The following FBLIM1 variants were observed in gnomAD, a reference collection of about 807,000 sequenced individuals.
FBLIM1 encodes the protein filamin-binding LIM protein 1.
FBLIM1 carries 29 observed loss-of-function variants against 37.4 expected under a neutral mutation model. That is an observed-to-expected ratio of 0.77 (90% confidence interval 0.58 to 1.06). The LOEUF is 1.06. FBLIM1 is among the 50% of genes least tolerant of loss of function. The pLI, the probability that FBLIM1 is intolerant of heterozygous loss-of-function variation, is 0.00. For synonymous variants in FBLIM1, 193 were observed against 199.0 expected, an observed-to-expected ratio of 0.97 and a Z score of 0.25; for missense variants, 449 against 505.6, an observed-to-expected ratio of 0.89 and a Z score of 1.07.
intron 1 of FBLIM1, among the ~76,000 whole-genome samples, chr1:15,762,246 T>C (rs560740274): frequency 1.5e-4 from 22 of 148,806 alleles, no homozygotes; most frequent in African/African-American, 5.0e-4. Context: ...CATGCCACCA[T>C]TTCTGGCTAA....
Position 15,784,698 on chromosome 1 carries a change from G to A in FBLIM1, c.*37G>A, listed in dbSNP as rs200724462. 1.3e-5 allele frequency: 20 copies of A among 1,578,732 alleles called. No individual in the cohort carries two copies. Among genetic ancestry groups the A allele is most frequent in the East Asian group, 6.7e-5 (3 of 44,580 alleles). On this transcript the variant is annotated 3_prime_UTR_variant, in exon 9 of 9. Coordinates refer to ENST00000375766, the MANE Select transcript of FBLIM1 (RefSeq NM_017556.4). Reference sequence around the variant, plus strand: ...GGGCAGTGAACAGACCACTAGCCCCGGCTGGGGCCCTTCCCTGACTTGGTT... The same window carrying A: ...GGGCAGTGAACAGACCACTAGCCCCAGCTGGGGCCCTTCCCTGACTTGGTT...
intron 4 of FBLIM1, 118 bp downstream of exon 4, chr1:15,767,681 C>T: frequency 2.0e-6 from 1 of 510,052 alleles, no homozygotes; most frequent in South Asian, 3.1e-5. Flanking sequence ...GTGCATTCTT[C>T]TGCTCGGGGG....
chr1:15,769,510 C>T (rs1012157082), intron 5 of FBLIM1, among the ~76,000 whole-genome samples: 8 of 150,796 alleles, frequency 5.3e-5, no homozygotes, highest in African/African-American at 1.7e-4. Context: ...AATAAATAAA[C>T]AAAGTGGCTC....
Position 15,767,529 on chromosome 1 carries a change from A to C in FBLIM1, c.404A>C (p.Gln135Pro), listed in dbSNP as rs1365657072. The change falls in exon 4 of 9, where the codon CAG becomes CCG. Residue 135 changes from glutamine to proline, a missense_variant. Coordinates refer to ENST00000375766, the MANE Select transcript of FBLIM1 (RefSeq NM_017556.4). ...MGASLIADLEQLHLSPPPPPP... is the reference protein window; with the variant it reads ...MGASLIADLEPLHLSPPPPPP... ...GCCTCACTCATTGCAGACTTAGAGC[A>C]GCTGCACCTGTCCCCGCCCCCGCCC... 3.5e-6 allele frequency: 5 copies of C among 1,448,936 alleles called. No individual in the cohort carries two copies. The highest frequency in any genetic ancestry group is 2.5e-5 in the Admixed American group (1 of 40,018). The allele number at this position is 1,448,936 out of a possible 1,614,324, so 89.8% of individuals were successfully genotyped here. A position where few individuals can be genotyped will look rare whatever the true frequency, so the allele number is the denominator to read the frequency against.
At chr1:15,767,072 T>C (rs1260382244) in intron 3 of FBLIM1, among the ~76,000 whole-genome samples, 4 of 151,946 alleles carry the variant, frequency 2.6e-5, no homozygotes, top group Admixed American at 2.0e-4. Flanking sequence ...TTTTAATTTT[T>C]AGTAGAGTTG....
chr1:15,762,369 T>A (rs1354310014), intron 1 of FBLIM1, among the ~76,000 whole-genome samples: 1 of 150,272 alleles, frequency 6.7e-6, no homozygotes, highest in Non-Finnish European at 1.5e-5. Flanking sequence ...GTTCAAGCAA[T>A]TCTCTGTCTC....
intron 1 of FBLIM1, among the ~76,000 whole-genome samples, chr1:15,760,175 AT>A (rs972997549): frequency 2.6e-5 from 4 of 151,970 alleles, no homozygotes; most frequent in African/African-American, 9.7e-5. Flanking sequence ...GTGAGCCGAG[AT>A]CGCACCACTG....
chr1:15,756,767 G>A (rs1158408760), upstream of FBLIM1: 1 of 152,442 alleles, frequency 6.6e-6, no homozygotes, highest in Non-Finnish European at 1.5e-5. Flanking sequence ...CATTCCCCTT[G>A]GACTGTCCCA....
intron 8 of FBLIM1, among the ~76,000 whole-genome samples, chr1:15,781,504 G>C (rs1345598153): frequency 8.0e-6 from 1 of 125,438 alleles, no homozygotes; most frequent in Non-Finnish European, 1.6e-5. Context: ...CTGGGCAACA[G>C]AGCAAGACTC....
intron 8 of FBLIM1, among the ~76,000 whole-genome samples, chr1:15,778,701 C>T (rs1474598772): frequency 6.6e-6 from 1 of 151,770 alleles, no homozygotes; most frequent in Non-Finnish European, 1.5e-5. Context: ...AGTGCAATGG[C>T]GTGATCTCAG....
intron 6 of FBLIM1, among the ~76,000 whole-genome samples, chr1:15,771,074 G>C (rs145369672): frequency 0.015 from 2,280 of 152,008 alleles, 27 homozygotes; most frequent in Non-Finnish European, 0.023. Flanking sequence ...CGAGTAGCTG[G>C]GATTACAGGC....
chr1:15,766,072 A>G (rs1405999854), intron 3 of FBLIM1, among the ~76,000 whole-genome samples: 2 of 152,060 alleles, frequency 1.3e-5, no homozygotes, highest in African/African-American at 2.4e-5. Context: ...TCTCTGATTC[A>G]GCAGATCTGC....
upstream of FBLIM1, chr1:15,758,694 C>T (rs1057045606): frequency 6.6e-6 from 1 of 151,756 alleles, no homozygotes; most frequent in African/African-American, 2.4e-5. This position sits in a 1 kb window ranked among gnomAD's most constrained non-coding sequence, Gnocchi z 6.2. Flanking sequence ...TCCCCCCGAG[C>T]CTCACCTTTT....
intron 1 of FBLIM1, among the ~76,000 whole-genome samples, chr1:15,762,884 G>A (rs1332455101): frequency 6.6e-6 from 1 of 152,154 alleles, no homozygotes; most frequent in African/African-American, 2.4e-5. Context: ...TGGAAGAGGT[G>A]ATGTTTGAGC....
chr1:15,771,664 G>A (rs542574375), intron 6 of FBLIM1, among the ~76,000 whole-genome samples: 6 of 152,040 alleles, frequency 3.9e-5, no homozygotes, highest in Non-Finnish European at 7.4e-5. Context: ...ACAGGGACAC[G>A]CGATGGCATT....
Position 15,768,669 on chromosome 1 carries a change from A to T in FBLIM1, c.541+39A>T, listed in dbSNP as rs373677840. The T allele has an allele frequency of 1.5e-3, 2,134 of 1,420,708 alleles. 45 individuals carry two copies. The South Asian group carries it at 0.025, about 17-fold the overall frequency. 88.0% of individuals were successfully genotyped at this position (1,420,708 alleles called of 1,614,324 possible). On this transcript the variant is annotated intron_variant, in intron 5 of 8. Transcript: ENST00000375766. Reference sequence around the variant, plus strand: ...GCTGAGAGGATACTGGGGTGATCTCATGGGGCCAGCATGGGCTTCCAGGTA... The same window carrying T: ...GCTGAGAGGATACTGGGGTGATCTCTTGGGGCCAGCATGGGCTTCCAGGTA...
At chr1:15,758,314 G>T (rs1214973917), upstream of FBLIM1, 1 of 152,208 alleles carries the variant, frequency 6.6e-6, no homozygotes. The surrounding 1 kb of genome is among the most constrained non-coding windows in gnomAD (Gnocchi z 6.2). Flanking sequence ...AGACCCTGGC[G>T]GATCCCAGAG....
intron 1 of FBLIM1, among the ~76,000 whole-genome samples, chr1:15,761,098 C>T (rs767496622): frequency 3.3e-5 from 5 of 151,984 alleles, no homozygotes; most frequent in Admixed American, 6.6e-5. Context: ...TCCGACTTCC[C>T]GGAGGAGTGT....
At chr1:15,780,194 A>C (rs1373344540) in intron 8 of FBLIM1, among the ~76,000 whole-genome samples, 1 of 151,058 alleles carries the variant, frequency 6.6e-6, no homozygotes, top group East Asian at 2.0e-4. Flanking sequence ...CACGGCCTGA[A>C]ATTCTTAAAT....
Sources: gnomAD v4.1 joint callset for allele counts (sites outside exome capture counted in the v4.1 genomes callset) on GRCh38, gnomAD v4.1.1 for gene constraint, Gnocchi (gnomAD v3.1) non-coding constraint, MANE v1.5 for transcripts, NCBI Gene and HGNC (gene_info 2026-07-23, HGNC 2026-07-21) for gene names.